The following CHIT1 variants were observed in gnomAD, a reference collection of about 807,000 sequenced individuals.
CHIT1 encodes chitotriosidase-1.
In CHIT1, 47 loss-of-function variants were observed where a neutral mutation model predicts 52.0. That is an observed-to-expected ratio of 0.90 (90% CI 0.71 to 1.15). The LOEUF is 1.15. CHIT1 is among the 50% of genes most tolerant of loss of function. The pLI is 0.00. For synonymous variants in CHIT1, 242 were observed against 228.2 expected (o/e 1.06, Z -0.54); for missense variants, 569 against 583.0 (o/e 0.98, Z 0.25).
Position 203,216,101 on chromosome 1 carries a change from A to G in CHIT1, c.*788T>C. On this transcript the variant is annotated 3_prime_UTR_variant, in exon 11 of 11. Transcript: ENST00000367229. ...CAGGAATGTTGGGATGACTTTATTTAACCAGGACACCGTGTGCATGCTCTC... is the reference window on the plus strand; with the variant it reads ...CAGGAATGTTGGGATGACTTTATTTGACCAGGACACCGTGTGCATGCTCTC... The G allele has an allele frequency of 2.2e-6, 1 of 453,918 alleles. No homozygotes were observed. 28.1% of individuals were successfully genotyped at this position (453,918 alleles called of 1,614,324 possible).
Position 203,219,305 on chromosome 1 carries a change from T to C in CHIT1, c.940A>G (p.Lys314Glu). ...YEVCSWKGAT[K>E]QRIQDQKVPY... ...ACCTTCTGATCCTGGATTCTCTGTT[T>C]GGTGGCCCCCTTCCAGGAGCAGACC... Residue 314 changes from lysine to glutamate, a missense_variant, in exon 9 of 11, where the codon AAA becomes GAA. By Grantham distance (56) the Lys-to-Glu change is moderately conservative (BLOSUM62 1). Coordinates refer to ENST00000367229, the MANE Select transcript of CHIT1 (RefSeq NM_003465.3). The C allele has an allele frequency of 1.2e-6, 2 of 1,611,644 alleles. No individual in the cohort carries two copies. The highest frequency in any genetic ancestry group is 1.7e-6 in the Non-Finnish European group (2 of 1,177,714).
At chr1:203,225,027 A>G (rs775556765) in intron 4 of CHIT1, 21 bp downstream of exon 4, 1 of 1,611,092 alleles carries the variant, frequency 6.2e-7, no homozygotes, top group South Asian at 1.1e-5. Context: ...TTTACCACAC[A>G]GGTGACCACA....
rs1432354606 is a variant in CHIT1 at position 203,216,445 on chromosome 1, T to C, written c.*444A>G. On this transcript the variant is annotated 3_prime_UTR_variant, in exon 11 of 11. Transcript: ENST00000367229. ...TCCGCAGAAGCTCCTGTTTCCAGGC[T>C]TCTGAGCCAATAACCAAAGAACGTG... The C allele has an allele frequency of 2.2e-6, 1 of 455,300 alleles. No individual in the cohort carries two copies. The highest frequency in any genetic ancestry group is 2.0e-5 in the African/African-American group (1 of 50,066). 28.2% of individuals were successfully genotyped at this position (455,300 alleles called of 1,614,324 possible).
rs1656519111 is a variant in CHIT1, at chr1:203,216,229, G to A, written c.*660C>T. The A allele has an allele frequency of 2.2e-6, 1 of 453,972 alleles. No individual in the cohort carries two copies. The highest frequency in any genetic ancestry group is 1.6e-5 in the South Asian group (1 of 64,474). The allele number at this position is 453,972 out of a possible 1,614,324, so 28.1% of individuals were successfully genotyped here. A position where few individuals can be genotyped will look rare whatever the true frequency, so the allele number is the denominator to read the frequency against. On this transcript the variant is annotated 3_prime_UTR_variant, in exon 11 of 11. Coordinates refer to ENST00000367229, the MANE Select transcript of CHIT1 (RefSeq NM_003465.3). ...ATAATCATTGTTCCTTCTTCATCTG[G>A]TGAACGGGGGCAGTAGGTGAGATAG...
At position 203,216,791 on chromosome 1, in the gene CHIT1, A is replaced by G. The variant is rs781485079; in HGVS notation, c.*98T>C. On this transcript the variant is annotated 3_prime_UTR_variant, in exon 11 of 11. Transcript: ENST00000367229. ...AAAGGAAGACCACAGAAAGGCCTGC[A>G]GGAGCCAGATTGCGGCCCCCAGGGA... 1.6e-5 allele frequency: 25 copies of G among 1,523,454 alleles called. No homozygotes were observed. The highest frequency in any genetic ancestry group is 2.3e-5 in the Non-Finnish European group (25 of 1,101,332). 94.4% of individuals were successfully genotyped at this position (1,523,454 alleles called of 1,614,324 possible).
intron 7 of CHIT1, among the ~76,000 whole-genome samples, chr1:203,220,326 G>T (rs1461938018): frequency 6.6e-6 from 1 of 152,228 alleles, no homozygotes; most frequent in East Asian, 1.9e-4. Flanking sequence ...ACGCAATAAA[G>T]GGTCGCTGTG....
chr1:203,224,349 T>G (rs1475871133), intron 4 of CHIT1, among the ~76,000 whole-genome samples: 1 of 152,180 alleles, frequency 6.6e-6, no homozygotes, highest in Non-Finnish European at 1.5e-5. Context: ...TTATTTTTAT[T>G]AATTTAGTCC....
rs772141496 is a variant in CHIT1 at position 203,216,366 on chromosome 1, A to T, written c.*523T>A. 2.2e-6 allele frequency: 1 copy of T among 454,000 alleles called. No individual in the cohort carries two copies. The highest frequency in any genetic ancestry group is 2.0e-5 in the African/African-American group (1 of 50,004). The allele number at this position is 454,000 out of a possible 1,614,324, so 28.1% of individuals were successfully genotyped here. ...TCGCAGAGCGCTTAAATCAGGGAAA[A>T]GTTCTTCTCTGCTGCCATCTAGTGG... On this transcript the variant is annotated 3_prime_UTR_variant, in exon 11 of 11. Coordinates refer to ENST00000367229, the MANE Select transcript of CHIT1 (RefSeq NM_003465.3).
At chr1:203,223,069 C>A in intron 6 of CHIT1, 66 bp downstream of exon 6, 1 of 1,606,230 alleles carries the variant, frequency 6.2e-7, no homozygotes, top group Non-Finnish European at 8.5e-7. Context: ...CATGGGAAAG[C>A]TCAGTCTGCC....
At chr1:203,223,747 G>A (rs956017190) in intron 4 of CHIT1, 87 bp from the exon 5 acceptor site, 228 of 1,362,108 alleles carry the variant, frequency 1.7e-4, no homozygotes, top group Non-Finnish European at 4.9e-5. Context: ...AAACACTCAG[G>A]ACAGTGCGTC....
At chr1:203,219,601 CCTCT>C (rs1402986229) in intron 8 of CHIT1, 59 bp downstream of exon 8, 1 of 1,580,300 alleles carries the variant, frequency 6.3e-7, no homozygotes, top group Non-Finnish European at 8.7e-7. Context: ...GAGAAGGAAA[CCTCT>C]GTTCTCTCAG....
chr1:203,222,328 G>T lies in CHIT1; in HGVS notation c.606-3C>A, dbSNP rs1424482479. The T allele has an allele frequency of 6.2e-7, 1 of 1,614,180 alleles. No homozygotes were observed. Among genetic ancestry groups the T allele is most frequent in the South Asian group, 1.1e-5 (1 of 91,086 alleles). On this transcript the variant is annotated splice_polypyrimidine_tract_variant and splice_region_variant and intron_variant, in intron 6 of 10. Coordinates refer to ENST00000367229, the MANE Select transcript of CHIT1 (RefSeq NM_003465.3). Reference sequence around the variant, plus strand: ...TAAGGTTGACAAAATCCAGGTTCCTGCAGGAGGCATGGAAGAGGAGGTGAG... The same window carrying T: ...TAAGGTTGACAAAATCCAGGTTCCTTCAGGAGGCATGGAAGAGGAGGTGAG...
chr1:203,226,644 TG>T (rs1656941286), intron 2 of CHIT1, among the ~76,000 whole-genome samples: 1 of 152,076 alleles, frequency 6.6e-6, no homozygotes. Context: ...GAAGGCATCT[TG>T]TCTCTAAGTA....
At chr1:203,225,622 G>C in intron 3 of CHIT1, 47 bp downstream of exon 3, 1 of 1,582,212 alleles carries the variant, frequency 6.3e-7, no homozygotes, top group South Asian at 1.1e-5. Context: ...GAGGTTATCT[G>C]TCACCCCACC....
intron 10 of CHIT1, chr1:203,217,410 G>A: frequency 6.7e-7 from 1 of 1,483,724 alleles, no homozygotes; most frequent in Non-Finnish European, 9.0e-7. Flanking sequence ...GGCAGGTGGG[G>A]GTGCCACGCT....
rs374960820 is a variant in CHIT1, at chr1:203,224,949, C to G, written c.314+99G>C. ...TCCCCTCCCCTTTCCCCTGACCACACCTCAGCCTGGCCTGATTCCCTGACC... is the reference window on the plus strand; with the variant it reads ...TCCCCTCCCCTTTCCCCTGACCACAGCTCAGCCTGGCCTGATTCCCTGACC... On this transcript the variant is annotated intron_variant, in intron 4 of 10. Coordinates refer to ENST00000367229, the MANE Select transcript of CHIT1 (RefSeq NM_003465.3). 4.4e-6 allele frequency: 5 copies of G among 1,135,926 alleles called. No individual in the cohort carries two copies. The African/African-American group carries it at 7.6e-5, about 17-fold the overall frequency. 70.4% of individuals were successfully genotyped at this position (1,135,926 alleles called of 1,614,324 possible). A position where few individuals can be genotyped will look rare whatever the true frequency, so the allele number is the denominator to read the frequency against.
rs549855514 is a variant in CHIT1, at chr1:203,229,121, G to A, written c.25+491C>T. Among the ~76,000 whole-genome samples the A allele has an allele frequency of 4.2e-3, 634 of 152,302 alleles. 1 individual carries two copies. The highest frequency in any genetic ancestry group is 7.5e-3 in the Non-Finnish European group (510 of 68,016). ...GAGATCTCTTTCACCTGGTGACCTT[G>A]GACTTCTCTGTCAACCTAATAGAAC... On this transcript the variant is annotated intron_variant, in intron 1 of 10. Transcript: ENST00000367229.
At chr1:203,220,567 T>C (rs765397655) in intron 7 of CHIT1, among the ~76,000 whole-genome samples, 25 of 152,204 alleles carry the variant, frequency 1.6e-4, no homozygotes, top group Non-Finnish European at 3.5e-4. Context: ...ACAAGTATGA[T>C]AAATTAATGA....
rs1426738262 is a variant in CHIT1 at position 203,228,522 on chromosome 1, A to G, written c.55+11T>C. 6 of 1,587,350 alleles carry G rather than the reference A, an allele frequency of 3.8e-6. No homozygotes were observed. Among genetic ancestry groups the G allele is most frequent in the East Asian group, 4.6e-5 (2 of 43,648 alleles). On this transcript the variant is annotated intron_variant, in intron 2 of 10. Transcript: ENST00000367229. The stretch of plus-strand genomic sequence containing the variant: ...GAAGGGGCTGAGGCAGCCAAGAAAG[A>G]GGCTACTTACCCCATGGGATCATCA...
Sources: gnomAD v4.1 joint callset for allele counts (sites outside exome capture counted in the v4.1 genomes callset) on GRCh38, gnomAD v4.1.1 for gene constraint, MANE v1.5 for transcripts, NCBI Gene and HGNC (gene_info 2026-07-23, HGNC 2026-07-21) for gene names.